TACR1: variants seen among roughly 807,000 people sequenced by gnomAD.
The protein encoded by TACR1 is substance-P receptor.
A neutral mutation model predicts 35.8 loss-of-function variants in TACR1; 25 were observed. The ratio of observed to expected loss-of-function variants is 0.70; its 90% CI spans 0.51 to 0.98. The LOEUF (loss-of-function observed/expected upper bound fraction) is 0.98. Among genes scored for constraint, TACR1 ranks in the 50% least tolerant of loss-of-function variants. The pLI is 0.00. For synonymous variants in TACR1, 195 were observed against 206.7 expected (o/e 0.94, Z 0.48); for missense variants, 478 against 522.9 (o/e 0.91, Z 0.84).
intron 1 of TACR1, among the ~76,000 whole-genome samples, chr2:75,147,124 AT>A (rs1204513699): frequency 1.3e-5 from 2 of 152,188 alleles, no homozygotes; most frequent in African/African-American, 4.8e-5. Flanking sequence ...GTGGCAGAAT[AT>A]TTTCCTGTTT....
At chr2:75,106,711 T>C (rs916247253) in intron 2 of TACR1, among the ~76,000 whole-genome samples, 1 of 151,964 alleles carries the variant, frequency 6.6e-6, no homozygotes, top group African/African-American at 2.4e-5. Context: ...TAAATGTTAA[T>C]AGCTATGGAA....
At chr2:75,140,938 TC>T (rs1389690052) in intron 1 of TACR1, among the ~76,000 whole-genome samples, 1 of 152,228 alleles carries the variant, frequency 6.6e-6, no homozygotes, top group Non-Finnish European at 1.5e-5. Flanking sequence ...TTATTGTTTT[TC>T]TTTTGATGGG....
chr2:75,064,161 G>C (rs757817625), intron 2 of TACR1, among the ~76,000 whole-genome samples: 1 of 151,782 alleles, frequency 6.6e-6, no homozygotes, highest in Non-Finnish European at 1.5e-5. Context: ...ATGCTCTAAC[G>C]AGAGACATTG....
chr2:75,090,696 T>TA (rs1673291476), intron 2 of TACR1: 1 of 153,972 alleles, frequency 6.5e-6, no homozygotes, highest in Non-Finnish European at 1.5e-5. Flanking sequence ...CTGTATGCTC[T>TA]CTTACACCTT....
chr2:75,088,891 A>T (rs140917335), intron 2 of TACR1, among the ~76,000 whole-genome samples: 38 of 152,078 alleles, frequency 2.5e-4, no homozygotes, highest in African/African-American at 8.7e-4. Context: ...CCCACAGCTC[A>T]TCTGCTTTAG....
At chr2:75,062,972 T>C (rs1167112558) in intron 2 of TACR1, among the ~76,000 whole-genome samples, 1 of 152,212 alleles carries the variant, frequency 6.6e-6, no homozygotes, top group African/African-American at 2.4e-5. Context: ...GGACTTATAG[T>C]TCCACATGGG....
intron 1 of TACR1, among the ~76,000 whole-genome samples, chr2:75,153,365 A>G (rs1674717056): frequency 6.6e-6 from 1 of 151,126 alleles, no homozygotes; most frequent in Non-Finnish European, 1.5e-5. Flanking sequence ...GATGTTATGA[A>G]AGACTGCTTC....
intron 1 of TACR1, among the ~76,000 whole-genome samples, chr2:75,173,495 T>C (rs1479660846): frequency 6.6e-6 from 1 of 152,306 alleles, no homozygotes; most frequent in African/African-American, 2.4e-5. Context: ...TTAGGGGTCA[T>C]TTTCCATCAA....
intron 1 of TACR1, among the ~76,000 whole-genome samples, chr2:75,124,036 C>A (rs1284489076): frequency 6.6e-6 from 1 of 152,202 alleles, no homozygotes; most frequent in Non-Finnish European, 1.5e-5. Flanking sequence ...AATGAAACGT[C>A]TTTCTGGTGT....
At chr2:75,112,772 C>A (rs915101419) in intron 2 of TACR1, among the ~76,000 whole-genome samples, 2 of 152,128 alleles carry the variant, frequency 1.3e-5, no homozygotes, top group Admixed American at 6.5e-5. Context: ...TGATGCTCCC[C>A]TTTAACAATT....
At chr2:75,065,752 A>C (rs1672751057) in intron 2 of TACR1, among the ~76,000 whole-genome samples, 1 of 152,212 alleles carries the variant, frequency 6.6e-6, no homozygotes, top group South Asian at 2.1e-4. Context: ...ATTGGTGCCA[A>C]CGGATATGAG....
intron 1 of TACR1, among the ~76,000 whole-genome samples, chr2:75,138,640 C>T (rs1261913720): frequency 4.6e-5 from 7 of 152,154 alleles, no homozygotes; most frequent in African/African-American, 1.2e-4. Flanking sequence ...GGTAAACAAG[C>T]TTCTGCTGGG....
intron 1 of TACR1, among the ~76,000 whole-genome samples, chr2:75,153,694 T>G (rs1674726104): frequency 6.6e-6 from 1 of 152,202 alleles, no homozygotes; most frequent in Admixed American, 6.5e-5. Flanking sequence ...CCTGGCACAT[T>G]CCCTGTTTCC....
intron 2 of TACR1, among the ~76,000 whole-genome samples, chr2:75,103,666 G>A (rs1417408208): frequency 6.6e-6 from 1 of 152,130 alleles, no homozygotes; most frequent in Non-Finnish European, 1.5e-5. Context: ...TGCAGTAAAG[G>A]AGTAGGAACA....
intron 1 of TACR1, among the ~76,000 whole-genome samples, chr2:75,172,050 T>A (rs969900551): frequency 6.6e-6 from 1 of 152,226 alleles, no homozygotes; most frequent in African/African-American, 2.4e-5. Context: ...GAAAATGGAC[T>A]AATGCATGCA....
chr2:75,053,158 C>T (rs1379787434), intron 3 of TACR1, among the ~76,000 whole-genome samples: 6 of 152,144 alleles, frequency 3.9e-5, no homozygotes, highest in African/African-American at 7.2e-5. Flanking sequence ...AACTCACTCA[C>T]GCTCTCGCTT....
Position 75,128,851 on chromosome 2 carries a change from C to T in TACR1, c.390-8083G>A, listed in dbSNP as rs547358912. On this transcript the variant is annotated intron_variant, in intron 1 of 4. Coordinates refer to ENST00000305249, the MANE Select transcript of TACR1 (RefSeq NM_001058.4). ...TCTCATGCTTGCATTTGGGACTCCA[C>T]CCCTGAGGCTGTGCTGACATGTATA... Among the ~76,000 whole-genome samples, 258 of 152,294 alleles carry T rather than the reference C, an allele frequency of 1.7e-3. 2 individuals are homozygous for T. Among genetic ancestry groups the T allele is most frequent in the African/African-American group, 4.8e-3 (201 of 41,554 alleles).
intron 2 of TACR1, among the ~76,000 whole-genome samples, chr2:75,106,672 T>C (rs1189071997): frequency 1.3e-5 from 2 of 151,980 alleles, no homozygotes; most frequent in Non-Finnish European, 2.9e-5. Flanking sequence ...TAGTTGTCAA[T>C]ATAATGCCAA....
intron 2 of TACR1, among the ~76,000 whole-genome samples, chr2:75,087,737 T>C (rs1265202740): frequency 6.6e-6 from 1 of 152,198 alleles, no homozygotes; most frequent in Non-Finnish European, 1.5e-5. Flanking sequence ...TAATCACTTT[T>C]CCCCTGCTGA....
Sources: gnomAD v4.1 joint callset for allele counts (sites outside exome capture counted in the v4.1 genomes callset) on GRCh38, gnomAD v4.1.1 for gene constraint, MANE v1.5 for transcripts, NCBI Gene and HGNC (gene_info 2026-07-23, HGNC 2026-07-21) for gene names.